Variants in MOBP observed in about 807,000 individuals in gnomAD.
MOBP encodes myelin-associated oligodendrocyte basic protein.
Under a neutral mutation model 15.0 loss-of-function variants are expected in MOBP, and 5 were observed. That is an observed-to-expected ratio of 0.33 (90% confidence interval 0.17 to 0.70). The LOEUF is 0.70. Ranked by LOEUF, MOBP falls within the 30% of genes least tolerant of loss-of-function variation. The probability of loss-of-function intolerance (pLI) is 0.67; values close to 1 mark genes in which losing one functional copy is unlikely to be tolerated. For missense variants in MOBP, 188 were observed against 257.8 expected (o/e 0.73, Z 1.85); for synonymous variants, 88 against 99.0 (o/e 0.89, Z 0.66).
chr3:39,489,922 G>A (rs975197888), intron 2 of MOBP, among the ~76,000 whole-genome samples: 6 of 152,150 alleles, frequency 3.9e-5, no homozygotes, highest in African/African-American at 4.8e-5. Context: ...CTCTTCATAA[G>A]CACCTTTAAA....
rs577580555 is a variant in MOBP, at chr3:39,480,133, A to G, written c.-5+10A>G. 6.6e-6 allele frequency: 1 copy of G among 152,300 alleles called. No individual in the cohort carries two copies. Among genetic ancestry groups the G allele is most frequent in the Admixed American group, 6.5e-5 (1 of 15,302 alleles). The allele number at this position is 152,300 out of a possible 1,614,324, so 9.4% of individuals were successfully genotyped here. On this transcript the variant is annotated intron_variant, in intron 2 of 3. Transcript: ENST00000684792. ...ACGGATGAAAATACAGGTACAAATG[A>G]ATCTCTTATAGCCTTTTGGATCTGC...
downstream of MOBP, chr3:39,525,979 G>A (rs557399038): frequency 1.3e-5 from 2 of 152,372 alleles, no homozygotes; most frequent in African/African-American, 4.8e-5. Flanking sequence ...ACTATGAAGT[G>A]TTTCCAATGA....
chr3:39,528,211 A>G (rs909805048), downstream of MOBP: 1 of 152,192 alleles, frequency 6.6e-6, no homozygotes. Flanking sequence ...AGGAGACTTT[A>G]TCTGTTCTGT....
chr3:39,510,018 C>T (rs568166393), intron 4 of MOBP, among the ~76,000 whole-genome samples: 54 of 152,074 alleles, frequency 3.6e-4, no homozygotes, highest in South Asian at 1.0e-3. Context: ...AATTGAGGTT[C>T]AATTTTTTTG....
intron 1 of MOBP, among the ~76,000 whole-genome samples, chr3:39,478,810 A>G (rs1168561211): frequency 6.6e-6 from 1 of 151,452 alleles, no homozygotes; most frequent in Non-Finnish European, 1.5e-5. Flanking sequence ...ATCACTACTG[A>G]TCATTTGTCT....
intron 2 of MOBP, among the ~76,000 whole-genome samples, chr3:39,498,966 G>T (rs1047664811): frequency 6.6e-6 from 1 of 152,118 alleles, no homozygotes; most frequent in Non-Finnish European, 1.5e-5. Flanking sequence ...GAGTCACAGT[G>T]GGCTTCAAAT....
intron 1 of MOBP, among the ~76,000 whole-genome samples, chr3:39,469,164 G>GTGTGTGTGTA (rs1559412233): frequency 7.0e-5 from 3 of 43,018 alleles, no homozygotes; most frequent in Non-Finnish European, 1.2e-4. Context: ...ATGTGTGTGT[G>GTGTGTGTGTA]TATACATATA....
chr3:39,496,575 ACT>A, intron 2 of MOBP, among the ~76,000 whole-genome samples: 1 of 140,474 alleles, frequency 7.1e-6, no homozygotes, highest in South Asian at 2.3e-4. Context: ...CTCACTGCAA[ACT>A]CTGCCTCCTG....
In MOBP at chr3:39,502,711, G is replaced by C. The variant is rs1030287786; in HGVS notation, c.383G>C (p.Arg128Pro). Residue 128 changes from arginine (R) to proline (P), a missense_variant, in exon 4 of 4, where the codon CGG becomes CCG. This residue lies in a region of MOBP where 133 missense variants were observed against 212.5 expected (regional missense o/e 0.63). Transcript: ENST00000684792. This position sits in a 1 kb window ranked among gnomAD's most constrained non-coding sequence, Gnocchi z 6.3. Reference sequence around the variant, plus strand: ...CCTCCGAGGTCTGAGCGTCAGCCACGGTCCCCTCCGAGGTCTGAGCGTCAG... The same window carrying C: ...CCTCCGAGGTCTGAGCGTCAGCCACCGTCCCCTCCGAGGTCTGAGCGTCAG... Reference protein sequence around the residue: ...RSPPRSERQPRSPPRSERQPR... With the variant: ...RSPPRSERQPPSPPRSERQPR... 41 of 1,534,004 alleles carry C rather than the reference G, an allele frequency of 2.7e-5. No homozygotes were observed. Among genetic ancestry groups the C allele is most frequent in the African/African-American group, 4.1e-5 (3 of 72,814 alleles).
intron 1 of MOBP, among the ~76,000 whole-genome samples, chr3:39,468,795 T>C (rs542345883): frequency 2.9e-5 from 3 of 104,554 alleles, no homozygotes; most frequent in African/African-American, 1.1e-4. Context: ...CATGTGTGTG[T>C]ATATATACAT....
chr3:39,489,686 T>TCCCCC (rs550816061), intron 2 of MOBP, among the ~76,000 whole-genome samples: 105 of 150,532 alleles, frequency 7.0e-4, no homozygotes, highest in Non-Finnish European at 1.2e-3. Context: ...GGTGTATTGT[T>TCCCCC]CCCCGCCCAG....
intron 2 of MOBP, among the ~76,000 whole-genome samples, chr3:39,480,500 G>A (rs1433829718): frequency 2.0e-5 from 3 of 152,162 alleles, no homozygotes; most frequent in Admixed American, 2.0e-4. Context: ...AATCTAGCCA[G>A]TTCTCTGAGA....
At chr3:39,522,033 A>G (rs2125676015) in intron 3 of MOBP, among the ~76,000 whole-genome samples, 1 of 152,308 alleles carries the variant, frequency 6.6e-6, no homozygotes, top group Middle Eastern at 3.4e-3. Context: ...TCTCACCAGA[A>G]ATAGGAGTTG....
chr3:39,521,162 T>G lies in MOBP; in HGVS notation c.*259-3081T>G, dbSNP rs530533787. On this transcript the variant is annotated intron_variant and NMD_transcript_variant, in intron 3 of 4. Transcript: ENST00000424090. Reference sequence around the variant, plus strand: ...ACAGGGATTCACCATGTTAGCCAGGTTCGCCTTGAACTCCTGGCCTCAAGT... The same window carrying G: ...ACAGGGATTCACCATGTTAGCCAGGGTCGCCTTGAACTCCTGGCCTCAAGT... Among the ~76,000 whole-genome samples the G allele has an allele frequency of 1.1e-3, 164 of 152,160 alleles. 1 individual carries two copies. The highest frequency in any genetic ancestry group is 3.8e-3 in the African/African-American group (159 of 41,522).
chr3:39,494,798 C>A (rs546254534), intron 2 of MOBP, among the ~76,000 whole-genome samples: 1 of 128,696 alleles, frequency 7.8e-6, no homozygotes, highest in Non-Finnish European at 1.6e-5. Flanking sequence ...CCCCGCCCCC[C>A]GAGTTACGTG....
exon 5 of MOBP, chr3:39,515,112 G>C (rs1342404270): frequency 1.3e-5 from 2 of 152,244 alleles, no homozygotes; most frequent in Non-Finnish European, 2.9e-5. Context: ...TGAGGAGCCT[G>C]ACCACTGAAG....
chr3:39,502,508 G>A lies in MOBP; in HGVS notation c.207-27G>A, dbSNP rs185064368. 1,319 of 1,560,758 alleles carry A rather than the reference G, an allele frequency of 8.5e-4. No individual in the cohort carries two copies. The highest frequency in any genetic ancestry group is 9.7e-4 in the Non-Finnish European group (1,128 of 1,161,594). ...GCAGCAGAGGAGAGCCCTGGCTCCCGCCTCCAGCTTCTTTTGGCCCTCTCA... is the reference window on the plus strand; with the variant it reads ...GCAGCAGAGGAGAGCCCTGGCTCCCACCTCCAGCTTCTTTTGGCCCTCTCA... On this transcript the variant is annotated intron_variant, in intron 3 of 3. Coordinates refer to ENST00000684792, the MANE Select transcript of MOBP (RefSeq NM_001393704.1). This position sits in a 1 kb window ranked among gnomAD's most constrained non-coding sequence, Gnocchi z 6.3.
chr3:39,524,787 C>T (rs1417667360), exon 5 of MOBP: 18 of 152,068 alleles, frequency 1.2e-4, no homozygotes, highest in Non-Finnish European at 2.4e-4. Flanking sequence ...GGAGAGAGAT[C>T]ATGAGAAATT....
At chr3:39,494,808 G>C (rs1279340075) in intron 2 of MOBP, among the ~76,000 whole-genome samples, 1 of 108,362 alleles carries the variant, frequency 9.2e-6, no homozygotes, top group Non-Finnish European at 1.8e-5. Context: ...CGAGTTACGT[G>C]TTGTTATTAT....
Sources: gnomAD v4.1 joint callset for allele counts (sites outside exome capture counted in the v4.1 genomes callset) on GRCh38, gnomAD v4.1.1 for gene constraint, gnomAD v4.1.1 regional missense constraint, Gnocchi (gnomAD v3.1) non-coding constraint, MANE v1.5 for transcripts, NCBI Gene and HGNC (gene_info 2026-07-23, HGNC 2026-07-21) for gene names.